The following MYO1C variants were observed in gnomAD, a reference collection of about 807,000 sequenced individuals.
MYO1C encodes myosin IC.
A neutral mutation model predicts 150.8 loss-of-function variants in MYO1C; 104 were observed. The ratio of observed to expected loss-of-function variants is 0.69; its 90% CI spans 0.59 to 0.81. The LOEUF (loss-of-function observed/expected upper bound fraction) is 0.81, where lower values mean the gene tolerates loss of function less well. MYO1C is among the 30% of genes least tolerant of loss of function. The pLI is 0.00. For synonymous variants in MYO1C, 663 were observed against 579.9 expected (o/e 1.14, Z -2.06); for missense variants, 1,504 against 1,435.0 (o/e 1.05, Z -0.78).
intron 5 of MYO1C, among the ~76,000 whole-genome samples, 200 bp downstream of exon 5, chr17:1,482,278 C>A (rs1048951185): frequency 4.6e-5 from 7 of 152,196 alleles, no homozygotes; most frequent in African/African-American, 1.4e-4. Flanking sequence ...ACCTGCCCCC[C>A]ACTCCTTACT....
In MYO1C at chr17:1,484,237, C is replaced by T. The variant is rs137888054; in HGVS notation, c.142G>A (p.Val48Met). The change falls in exon 2 of 32, where the codon GTG becomes ATG. Residue 48 changes from valine to methionine, a missense_variant. Coordinates refer to ENST00000648651, the MANE Select transcript of MYO1C (RefSeq NM_001080779.2). ...TTCTCCAGCAGCACGAAATCCTGCA[C>T]CCCCACCCGGTCACGGGCGGTGAGC... ...SALTARDRVG[V>M]QDFVLLENFT... The T allele has an allele frequency of 6.2e-7, 1 of 1,612,728 alleles. No homozygotes were observed. Among genetic ancestry groups the T allele is most frequent in the East Asian group, 2.2e-5 (1 of 44,876 alleles).
intron 1 of MYO1C, among the ~76,000 whole-genome samples, chr17:1,486,379 C>A (rs1363523510): frequency 1.3e-5 from 2 of 152,166 alleles, no homozygotes; most frequent in African/African-American, 4.8e-5. Context: ...GCGGAGTACC[C>A]GGCCCCTCTG....
At position 1,479,423 on chromosome 17, in the gene MYO1C, G is replaced by A. The variant is rs528385104; in HGVS notation, c.1092+8C>T. 6 of 1,331,738 alleles carry A rather than the reference G, an allele frequency of 4.5e-6. No individual in the cohort carries two copies. Among genetic ancestry groups the A allele is most frequent in the Middle Eastern group, 2.4e-4 (1 of 4,124 alleles). 82.5% of individuals were successfully genotyped at this position (1,331,738 alleles called of 1,614,324 possible). A position where few individuals can be genotyped will look rare whatever the true frequency, so the allele number is the denominator to read the frequency against. On this transcript the variant is annotated splice_region_variant and intron_variant, in intron 9 of 31. Transcript: ENST00000648651. The surrounding 1 kb of genome is among the most constrained non-coding windows in gnomAD (Gnocchi z 4.2). ...CCTCCACACCCGAGGGCAAGGGCCC[G>A]GCCTCACCTCCTCCCCCTTGGCGAT...
chr17:1,490,182 C>T (rs1324976536), intron 1 of MYO1C, among the ~76,000 whole-genome samples: 1 of 151,876 alleles, frequency 6.6e-6, no homozygotes, highest in African/African-American at 2.4e-5. Flanking sequence ...CTCCTCACAC[C>T]AAGTAGTCAC....
intron 1 of MYO1C, among the ~76,000 whole-genome samples, chr17:1,489,152 G>C (rs1487102352): frequency 6.6e-6 from 1 of 152,218 alleles, no homozygotes; most frequent in Non-Finnish European, 1.5e-5. Context: ...ACAGAGCAGG[G>C]CTTCAACTTC....
chr17:1,480,520 G>T lies in MYO1C; in HGVS notation c.906+7C>A. 6.2e-7 allele frequency: 1 copy of T among 1,607,942 alleles called. No homozygotes were observed. ...GAGGAAAGCGAGGGTCCCGGAAGAG[G>T]CCTCACCTCCACTTCATCCTCGGTG... is the stretch of plus-strand genomic sequence containing the variant. On this transcript the variant is annotated splice_region_variant and intron_variant, in intron 7 of 31. Coordinates refer to ENST00000648651, the MANE Select transcript of MYO1C (RefSeq NM_001080779.2).
chr17:1,484,405 A>G, intron 1 of MYO1C, 102 bp from the exon 2 acceptor site: 1 of 1,405,286 alleles, frequency 7.1e-7, no homozygotes, highest in African/African-American at 1.4e-5. Flanking sequence ...GGGCTTGTGG[A>G]CTCCGGGCTA....
At chr17:1,491,515 C>T in intron 1 of MYO1C, 1 of 579,312 alleles carries the variant, frequency 1.7e-6, no homozygotes, top group Non-Finnish European at 2.2e-6. Context: ...GTGACCCCTG[C>T]CTCGTGCACG....
intron 6 of MYO1C, 37 bp downstream of exon 6, chr17:1,480,669 C>T (rs768899488): frequency 1.2e-6 from 2 of 1,613,856 alleles, no homozygotes; most frequent in African/African-American, 2.7e-5. Context: ...GGCACCAGAT[C>T]CCTGGGTGGC....
rs532541150 is a variant in MYO1C at position 1,480,475 on chromosome 17, A to G, written c.906+52T>C. ...AAAAATAAAAAACAAAAAAAAAAGG[A>G]GATTTTGGGGGTGTGACAGGAGGAA... On this transcript the variant is annotated intron_variant, in intron 7 of 31. Transcript: ENST00000648651. 117 of 1,414,656 alleles carry G rather than the reference A, an allele frequency of 8.3e-5. 1 individual carries two copies. In the East Asian group the frequency reaches 2.5e-3, roughly 30 times the overall value. The allele number at this position is 1,414,656 out of a possible 1,614,324, so 87.6% of individuals were successfully genotyped here. A position where few individuals can be genotyped will look rare whatever the true frequency, so the allele number is the denominator to read the frequency against.
chr17:1,467,520 T>C lies in MYO1C; in HGVS notation c.3025A>G (p.Ser1009Gly), dbSNP rs2150928569. 6.2e-7 allele frequency: 1 copy of C among 1,613,624 alleles called. No individual in the cohort carries two copies. Among genetic ancestry groups the C allele is most frequent in the Non-Finnish European group, 8.5e-7 (1 of 1,179,946 alleles). ...VIETLTKTAL[S>G]ANRVNSININ... Reference sequence around the variant, plus strand: ...TTGATGCTGTTCACGCGGTTGGCACTGAGGGCTGTCTTGGTCAGCGTCTCA... The same window carrying C: ...TTGATGCTGTTCACGCGGTTGGCACCGAGGGCTGTCTTGGTCAGCGTCTCA... The change falls in exon 30 of 32, where the codon AGT (serine) becomes GGT (glycine). Residue 1009 changes from serine (S) to glycine (G), a missense_variant. Physicochemically the swap from Ser to Gly is moderately conservative, Grantham distance 56 (BLOSUM62 0). Transcript: ENST00000648651.
At chr17:1,468,714 G>C (rs8069552) in intron 25 of MYO1C, 1 of 591,198 alleles carries the variant, frequency 1.7e-6, no homozygotes, top group Non-Finnish European at 3.0e-6. Context: ...GGTCATGAAG[G>C]CACTGCGGGG....
rs1343998501 is a variant in MYO1C, at chr17:1,485,464, C to T, written c.76-1161G>A. The T allele has an allele frequency of 4.4e-6, 3 of 677,916 alleles. No homozygotes were observed. The East Asian group carries it at 2.0e-4, about 45-fold the overall frequency. 42.0% of individuals were successfully genotyped at this position (677,916 alleles called of 1,614,324 possible). On this transcript the variant is annotated intron_variant, in intron 1 of 31. Coordinates refer to ENST00000648651, the MANE Select transcript of MYO1C (RefSeq NM_001080779.2). ...GGTCCCCGCCCCCTCGCCCTCGGGTCAGGGGTCTCCGCGTTCTCAGGCGTC... is the reference window on the plus strand; with the variant it reads ...GGTCCCCGCCCCCTCGCCCTCGGGTTAGGGGTCTCCGCGTTCTCAGGCGTC...
Position 1,471,869 on chromosome 17 carries a change from G to A in MYO1C, c.2021+38C>T, listed in dbSNP as rs370951358. ...GGGACCTAGGGGCTCCTACCCTCCCGCTCCCCTTCCCTGGCACCGAGCAGG... is the reference window on the plus strand; with the variant it reads ...GGGACCTAGGGGCTCCTACCCTCCCACTCCCCTTCCCTGGCACCGAGCAGG... On this transcript the variant is annotated intron_variant, in intron 19 of 31. Coordinates refer to ENST00000648651, the MANE Select transcript of MYO1C (RefSeq NM_001080779.2). 11 of 1,597,784 alleles carry A rather than the reference G, an allele frequency of 6.9e-6. 1 individual carries two copies. The highest frequency in any genetic ancestry group is 6.6e-5 in the South Asian group (6 of 90,728).
rs375771675 is a variant in MYO1C, at chr17:1,480,503, C to T, written c.906+24G>A. On this transcript the variant is annotated intron_variant, in intron 7 of 31. Transcript: ENST00000648651. ...TTTTGGGGGTGTGACAGGAGGAAAG[C>T]GAGGGTCCCGGAAGAGGCCTCACCT... The T allele has an allele frequency of 3.7e-5, 59 of 1,592,086 alleles. No individual in the cohort carries two copies. The African/African-American group carries it at 5.1e-4, about 14-fold the overall frequency.
intron 17 of MYO1C, 98 bp from the exon 18 acceptor site, chr17:1,472,326 GC>G: frequency 9.7e-7 from 1 of 1,031,318 alleles, no homozygotes; most frequent in South Asian, 1.4e-5. Flanking sequence ...GACGCGCGCA[GC>G]AGCCTCTGAT....
chr17:1,473,645 C>A (rs1477896152), intron 17 of MYO1C, among the ~76,000 whole-genome samples: 4 of 152,166 alleles, frequency 2.6e-5, no homozygotes, highest in Non-Finnish European at 1.5e-5. Context: ...CCTCCGCCTT[C>A]AGCTCGCTGG....
Position 1,479,540 on chromosome 17 carries a change from C to A in MYO1C, c.1021-38G>T. ...GGCGAGGACACGGTGAGGGTGCACC[C>A]CCAGCCCCCGCCCCCGCCGTCCTCC... On this transcript the variant is annotated intron_variant, in intron 8 of 31. Transcript: ENST00000648651. This position sits in a 1 kb window ranked among gnomAD's most constrained non-coding sequence, Gnocchi z 4.2. The A allele has an allele frequency of 7.0e-7, 1 of 1,438,628 alleles. No individual in the cohort carries two copies. The highest frequency in any genetic ancestry group is 9.6e-7 in the Non-Finnish European group (1 of 1,041,802). The allele number at this position is 1,438,628 out of a possible 1,614,324, so 89.1% of individuals were successfully genotyped here.
chr17:1,489,982 G>A (rs2074710098), intron 1 of MYO1C, among the ~76,000 whole-genome samples: 1 of 146,342 alleles, frequency 6.8e-6, no homozygotes, highest in Admixed American at 6.9e-5. Context: ...AGAGGTTGCA[G>A]AGAGCTGAGA....
Sources: gnomAD v4.1 joint callset for allele counts (sites outside exome capture counted in the v4.1 genomes callset) on GRCh38, gnomAD v4.1.1 for gene constraint, Gnocchi (gnomAD v3.1) non-coding constraint, MANE v1.5 for transcripts, NCBI Gene and HGNC (gene_info 2026-07-23, HGNC 2026-07-21) for gene names.